C16orf96: variants seen among roughly 807,000 people sequenced by gnomAD.
The protein encoded by C16orf96 is chromosome 16 open reading frame 96.
In C16orf96, 108 loss-of-function variants were observed where a neutral mutation model predicts 103.6. The observed-to-expected ratio is 1.04, with a 90% CI of 0.89 to 1.22. The LOEUF (loss-of-function observed/expected upper bound fraction) is 1.22. Ranked by LOEUF, C16orf96 falls within the 50% of genes most tolerant of loss-of-function variation. The probability of loss-of-function intolerance (pLI) is 0.00; values close to 1 mark genes in which losing one functional copy is unlikely to be tolerated. For missense variants in C16orf96, 1,586 were observed against 1,464.2 expected, an observed-to-expected ratio of 1.08 and a Z score of -1.36; for synonymous variants, 566 against 593.5, an observed-to-expected ratio of 0.95 and a Z score of 0.67.
chr16:4,588,142 C>T (rs747973944), intron 8 of C16orf96, 25 bp from the exon 9 acceptor site: 1 of 1,543,432 alleles, frequency 6.5e-7, no homozygotes, highest in Non-Finnish European at 8.8e-7. Context: ...GCAGCCATGC[C>T]TCCCTGAACT....
At chr16:4,588,760 C>A (rs1401102685) in intron 9 of C16orf96, among the ~76,000 whole-genome samples, 3 of 129,432 alleles carry the variant, frequency 2.3e-5, no homozygotes, top group African/African-American at 8.7e-5. Context: ...CTGCCCCATA[C>A]ATAGTCAATA....
intron 7 of C16orf96, among the ~76,000 whole-genome samples, chr16:4,581,183 T>TATATATAA (rs541449983): frequency 5.1e-4 from 60 of 118,314 alleles, no homozygotes; most frequent in Non-Finnish European, 6.6e-4. Flanking sequence ...TATATATATA[T>TATATATAA]AATTAGCCAG....
chr16:4,549,807 G>C, the C16orf96 span, among the ~76,000 whole-genome samples: 924 of 152,016 alleles, frequency 6.1e-3, 7 homozygotes, highest in Middle Eastern at 0.031. Flanking sequence ...AAAATAAAAA[G>C]GAGCCTGGCA....
chr16:4,589,918 T>C (rs1240779302), intron 9 of C16orf96, among the ~76,000 whole-genome samples: 3 of 148,350 alleles, frequency 2.0e-5, no homozygotes, highest in Non-Finnish European at 4.5e-5. Flanking sequence ...GGTCAGAAGA[T>C]TGAGACCATC....
At chr16:4,551,230 A>G in the C16orf96 span, among the ~76,000 whole-genome samples, 2 of 152,226 alleles carry the variant, frequency 1.3e-5, no homozygotes, top group Non-Finnish European at 2.9e-5. Flanking sequence ...CGATCGCACC[A>G]CTGCACTCCA....
At chr16:4,553,140 A>G (rs1051805698), upstream of C16orf96, among the ~76,000 whole-genome samples, 1 of 152,216 alleles carries the variant, frequency 6.6e-6, no homozygotes, top group Non-Finnish European at 1.5e-5. Flanking sequence ...ACCTTTGCCC[A>G]GCTGTTATCT....
intron 10 of C16orf96, 43 bp downstream of exon 10, chr16:4,591,827 C>T: frequency 2.1e-6 from 3 of 1,432,274 alleles, no homozygotes; most frequent in Non-Finnish European, 2.9e-6. Flanking sequence ...GTCCTGCTGC[C>T]CAGGCTGTGG....
chr16:4,560,161 G>T (rs1015292931), intron 1 of C16orf96: 1 of 151,890 alleles, frequency 6.6e-6, no homozygotes, highest in African/African-American at 2.4e-5. Flanking sequence ...GGAAATACAG[G>T]TGCGCGCCAC....
intron 1 of C16orf96, chr16:4,563,251 C>A (rs1040294428): frequency 2.2e-6 from 1 of 450,286 alleles, no homozygotes; most frequent in South Asian, 2.0e-5. Flanking sequence ...ATGACTGACT[C>A]GTTTGTTTTT....
chr16:4,583,799 C>T (rs1896848574), intron 7 of C16orf96, among the ~76,000 whole-genome samples: 1 of 151,678 alleles, frequency 6.6e-6, no homozygotes, highest in Non-Finnish European at 1.5e-5. Context: ...GTGGCGCATG[C>T]CTGTAATCCT....
At chr16:4,588,557 A>G (rs529528008) in intron 9 of C16orf96, among the ~76,000 whole-genome samples, 1 of 152,228 alleles carries the variant, frequency 6.6e-6, no homozygotes, top group South Asian at 2.1e-4. Context: ...ATTCAAAGAG[A>G]TTCCCTCACA....
intron 9 of C16orf96, among the ~76,000 whole-genome samples, chr16:4,588,686 A>C (rs1192384714): frequency 1.4e-5 from 2 of 145,780 alleles, no homozygotes; most frequent in East Asian, 4.2e-4. Context: ...GAGGGGAAGG[A>C]AGAAGCAGCA....
chr16:4,551,224 C>T, the C16orf96 span, among the ~76,000 whole-genome samples: 1 of 152,148 alleles, frequency 6.6e-6, no homozygotes, highest in African/African-American at 2.4e-5. Context: ...GAGCTGCGAT[C>T]GCACCACTGC....
chr16:4,569,952 A>G (rs1385941908), intron 1 of C16orf96, among the ~76,000 whole-genome samples: 1 of 152,050 alleles, frequency 6.6e-6, no homozygotes, highest in African/African-American at 2.4e-5. Flanking sequence ...GAAGGTGCCA[A>G]CTCAGCTGCC....
chr16:4,561,583 A>G (rs1034107743), intron 1 of C16orf96: 1 of 152,234 alleles, frequency 6.6e-6, no homozygotes, highest in East Asian at 1.9e-4. Context: ...CCAGCTCACA[A>G]AAGGGGCTCG....
chr16:4,558,617 A>G (rs1174783298), intron 1 of C16orf96, among the ~76,000 whole-genome samples: 1 of 151,744 alleles, frequency 6.6e-6, no homozygotes, highest in African/African-American at 2.4e-5. Flanking sequence ...GTGTCTAAAA[A>G]TAGTAATAAT....
chr16:4,550,763 T>G, the C16orf96 span, among the ~76,000 whole-genome samples: 2 of 152,208 alleles, frequency 1.3e-5, no homozygotes, highest in Admixed American at 1.3e-4. Flanking sequence ...CTGCCCAAGC[T>G]GCTCTCCTGG....
chr16:4,554,719 CT>C (rs573405405), upstream of C16orf96, among the ~76,000 whole-genome samples: 44 of 151,652 alleles, frequency 2.9e-4, no homozygotes, highest in South Asian at 8.8e-3. Flanking sequence ...ATGGCACAAT[CT>C]TGGCTCACTG....
At chr16:4,542,023 T>C in the C16orf96 span, among the ~76,000 whole-genome samples, 4 of 152,302 alleles carry the variant, frequency 2.6e-5, no homozygotes. Context: ...GTGTGGAGAA[T>C]GGTTTAGACC....
Sources: gnomAD v4.1 joint callset for allele counts (sites outside exome capture counted in the v4.1 genomes callset) on GRCh38, gnomAD v4.1.1 for gene constraint, MANE v1.5 for transcripts, NCBI Gene and HGNC (gene_info 2026-07-23, HGNC 2026-07-21) for gene names.